Variants in LTBP1 observed in about 807,000 individuals in gnomAD.
LTBP1 encodes the protein latent transforming growth factor beta binding protein 1.
LTBP1 carries 129 observed loss-of-function variants against 207.6 expected under a neutral mutation model. The observed-to-expected ratio is 0.62, with a 90% CI of 0.54 to 0.72. The LOEUF (loss-of-function observed/expected upper bound fraction) is 0.72. Ranked by LOEUF, LTBP1 falls within the 30% of genes least tolerant of loss-of-function variation. The pLI is 0.00. For synonymous variants in LTBP1, 963 were observed against 833.7 expected (o/e 1.16, Z -2.67); for missense variants, 2,281 against 2,217.2 (o/e 1.03, Z -0.58).
rs141828866 is a variant in LTBP1 at position 33,280,073 on chromosome 2, A to G, written c.3027A>G (p.Pro1009=). The change falls in exon 19 of 34, where the codon CCA becomes CCG. Residue 1009 remains proline, a synonymous_variant. Transcript: ENST00000404816. ...AATGTTTGAATCCAAGCACTTGTCC[A>G]GATGAGCAGTGTGTGAATTCTCCTG... ...IDECLNPSTC[P]DEQCVNSPGS... 1.2e-6 allele frequency: 2 copies of G among 1,614,160 alleles called. No homozygotes were observed. The highest frequency in any genetic ancestry group is 1.3e-5 in the African/African-American group (1 of 75,074).
intron 19 of LTBP1, among the ~76,000 whole-genome samples, chr2:33,280,736 T>G (rs1208534198): frequency 6.6e-6 from 1 of 152,202 alleles, no homozygotes; most frequent in Non-Finnish European, 1.5e-5. Context: ...AACTTTTCAT[T>G]CATTCATTCC....
Position 33,021,071 on chromosome 2 carries a change from G to T in LTBP1, c.728G>T (p.Gly243Val). The change falls in exon 3 of 34, where the codon GGC (glycine) becomes GTC (valine). Residue 243 changes from glycine to valine, a missense_variant. Gly to Val is a moderately radical substitution (Grantham distance 109, BLOSUM62 -3). This residue lies in a region of LTBP1 where 555 missense variants were observed against 491.0 expected (regional missense o/e 1.13). Transcript: ENST00000404816. Reference protein sequence around the residue: ...GQSPGAASSWGPPEQAAKHTS... With the variant: ...GQSPGAASSWVPPEQAAKHTS... ...AGTCCTGGGGCTGCTTCCTCGTGGGGCCCTCCTGAGCAAGCAGCAAAGCAT... is the reference window on the plus strand; with the variant it reads ...AGTCCTGGGGCTGCTTCCTCGTGGGTCCCTCCTGAGCAAGCAGCAAAGCAT... The T allele has an allele frequency of 6.2e-7, 1 of 1,614,066 alleles. No homozygotes were observed. The highest frequency in any genetic ancestry group is 8.5e-7 in the Non-Finnish European group (1 of 1,180,022).
chr2:33,066,149 T>C (rs1433405139), intron 3 of LTBP1, among the ~76,000 whole-genome samples: 2 of 152,372 alleles, frequency 1.3e-5, no homozygotes, highest in East Asian at 1.9e-4. Flanking sequence ...TCTGTTTATA[T>C]GTATTTGCTA....
intron 3 of LTBP1, among the ~76,000 whole-genome samples, chr2:33,098,231 A>G (rs2079506716): frequency 1.3e-5 from 2 of 152,226 alleles, no homozygotes; most frequent in Admixed American, 6.5e-5. Flanking sequence ...TATCACAGTC[A>G]TTTAGATTTA....
intron 5 of LTBP1, among the ~76,000 whole-genome samples, chr2:33,183,106 G>A (rs2086843642): frequency 6.6e-6 from 1 of 152,082 alleles, no homozygotes. Context: ...TCCTTTTTGA[G>A]TTTGTACAAA....
intron 3 of LTBP1, among the ~76,000 whole-genome samples, chr2:33,094,468 C>G (rs1378989866): frequency 6.6e-6 from 1 of 152,136 alleles, no homozygotes; most frequent in Non-Finnish European, 1.5e-5. Context: ...GTTTCCTCAC[C>G]TGTAGAATGA....
At chr2:33,067,111 G>A (rs983973638) in intron 3 of LTBP1, among the ~76,000 whole-genome samples, 2 of 152,206 alleles carry the variant, frequency 1.3e-5, no homozygotes, top group Non-Finnish European at 2.9e-5. Context: ...GGTCCAGGCT[G>A]CAGTGAGCTG....
rs538051741 is a variant in LTBP1, at chr2:32,994,263, G to A, written c.566-26646G>A. Among the ~76,000 whole-genome samples the A allele has an allele frequency of 2.6e-5, 4 of 152,186 alleles. No homozygotes were observed. The South Asian group carries it at 8.3e-4, about 32-fold the overall frequency. On this transcript the variant is annotated intron_variant, in intron 2 of 33. Transcript: ENST00000404816. ...ACTGATGGTGTGCCTGGCACTAAGT[G>A]TGTTTTCTATGGAATGTGTCTCATT...
chr2:33,254,831 A>T (rs2147754163), intron 11 of LTBP1, among the ~76,000 whole-genome samples: 1 of 66,262 alleles, frequency 1.5e-5, no homozygotes, highest in Non-Finnish European at 2.5e-5. Context: ...CCCACCTATG[A>T]GTGAGAACAT....
At chr2:33,142,204 A>G (rs988040455) in intron 5 of LTBP1, among the ~76,000 whole-genome samples, 27 of 149,448 alleles carry the variant, frequency 1.8e-4, no homozygotes, top group South Asian at 2.1e-4. Flanking sequence ...GGCGCCCACC[A>G]CCACGCCCGG....
chr2:32,947,157 T>C lies in LTBP1; in HGVS notation c.-168T>C. On this transcript the variant is annotated 5_prime_UTR_variant, in exon 1 of 34. Coordinates refer to ENST00000404816, the MANE Select transcript of LTBP1 (RefSeq NM_206943.4). ...ACAATCGGCCGGGGTCTGGGGCCGC[T>C]CAGCTGCCCGCAGAGCCTCCTCCCT... 1 of 414,680 alleles carries C rather than the reference T, an allele frequency of 2.4e-6. No homozygotes were observed. Among genetic ancestry groups the C allele is most frequent in the Non-Finnish European group, 3.9e-6 (1 of 253,340 alleles). 25.7% of individuals were successfully genotyped at this position (414,680 alleles called of 1,614,324 possible). A position where few individuals can be genotyped will look rare whatever the true frequency, so the allele number is the denominator to read the frequency against.
intron 15 of LTBP1, among the ~76,000 whole-genome samples, chr2:33,266,793 C>T (rs1028784839): frequency 6.6e-6 from 1 of 152,206 alleles, no homozygotes; most frequent in Non-Finnish European, 1.5e-5. Context: ...CTCCACCTTG[C>T]TCACCCTCCA....
chr2:33,079,069 A>G (rs1264888947), intron 3 of LTBP1, among the ~76,000 whole-genome samples: 2 of 151,848 alleles, frequency 1.3e-5, no homozygotes, highest in Admixed American at 1.3e-4. Flanking sequence ...ATGTTGGCCA[A>G]TATGGTAATA....
chr2:33,246,187 C>T (rs901496870), intron 10 of LTBP1, among the ~76,000 whole-genome samples: 1 of 152,104 alleles, frequency 6.6e-6, no homozygotes, highest in Non-Finnish European at 1.5e-5. Context: ...AAGTGAAAAC[C>T]TGGGCTCTTT....
intron 31 of LTBP1, among the ~76,000 whole-genome samples, chr2:33,374,954 A>G (rs1208784594): frequency 6.6e-6 from 1 of 152,212 alleles, no homozygotes; most frequent in Non-Finnish European, 1.5e-5. Flanking sequence ...TCCTTCCCAA[A>G]AAAGAAAAAA....
At chr2:33,281,981 A>G (rs949073064) in intron 19 of LTBP1, among the ~76,000 whole-genome samples, 1 of 151,668 alleles carries the variant, frequency 6.6e-6, no homozygotes, top group Non-Finnish European at 1.5e-5. Flanking sequence ...TGAATTTATT[A>G]GTGGAATGTG....
In LTBP1 at chr2:33,075,052, AAAAAC is replaced by A. The variant is rs530512189; in HGVS notation, c.864-35510_864-35506del. On this transcript the variant is annotated intron_variant, in intron 3 of 33. Coordinates refer to ENST00000404816, the MANE Select transcript of LTBP1 (RefSeq NM_206943.4). ...GGTGACAAAGTGAGACTCCGTCTCA[AAAAAC>A]AAAACAAAACAAAACAAAAAATGGA... Among the ~76,000 whole-genome samples the A allele has an allele frequency of 5.7e-4, 87 of 152,198 alleles. 1 individual carries two copies. Among genetic ancestry groups the A allele is most frequent in the Non-Finnish European group, 1.1e-3 (74 of 68,038 alleles).
rs1453835933 is a variant in LTBP1 at position 33,187,023 on chromosome 2, G to C, written c.1369G>C (p.Val457Leu). Residue 457 changes from valine to leucine, a missense_variant, in exon 6 of 34, where the codon GTC becomes CTC. Physicochemically the swap from Val to Leu is conservative, Grantham distance 32. Transcript: ENST00000404816. ...QQPGKALGTH[V>L]IHSTHTLPLT... The stretch of plus-strand genomic sequence containing the variant: ...GCCAGGCAAGGCGTTGGGGACGCAT[G>C]TCATCCATTCAACACATACCTTGCC... 6.2e-7 allele frequency: 1 copy of C among 1,614,194 alleles called. No homozygotes were observed. Among genetic ancestry groups the C allele is most frequent in the Admixed American group, 1.7e-5 (1 of 60,016 alleles).
chr2:32,960,699 GA>G (rs1678962605), intron 2 of LTBP1, among the ~76,000 whole-genome samples: 1 of 152,200 alleles, frequency 6.6e-6, no homozygotes, highest in Admixed American at 6.5e-5. Flanking sequence ...TGGAGGTGGG[GA>G]GAGGGCTAAA....
Sources: allele counts gnomAD v4.1 joint callset (sites outside exome capture counted in the v4.1 genomes callset), GRCh38; gene constraint gnomAD v4.1.1; regional missense constraint gnomAD v4.1.1; transcripts MANE v1.5; gene names NCBI Gene and HGNC (gene_info 2026-07-23, HGNC 2026-07-21).